The following NSD1 variants were observed in gnomAD, a reference collection of about 807,000 sequenced individuals.
The protein encoded by NSD1 is histone-lysine N-methyltransferase, H3 lysine-36 specific.
In NSD1, 26 loss-of-function variants were observed where a neutral mutation model predicts 242.7. The ratio of observed to expected loss-of-function variants is 0.11; its 90% CI spans 0.08 to 0.15. The LOEUF (loss-of-function observed/expected upper bound fraction) is 0.15, where lower values mean the gene tolerates loss of function less well. Ranked by LOEUF, NSD1 falls within the 10% of genes least tolerant of loss-of-function variation. The pLI is 1.00. For synonymous variants in NSD1, 1,106 were observed against 1,178.1 expected, an observed-to-expected ratio of 0.94 and a Z score of 1.25; for missense variants, 2,495 against 3,272.8, an observed-to-expected ratio of 0.76 and a Z score of 5.80.
intron 2 of NSD1, among the ~76,000 whole-genome samples, chr5:177,168,661 A>G (rs1759439974): frequency 6.6e-6 from 1 of 151,966 alleles, no homozygotes; most frequent in Admixed American, 6.6e-5. Flanking sequence ...GAGCTTCACC[A>G]TGTTGGTCAG....
intron 22 of NSD1, among the ~76,000 whole-genome samples, chr5:177,292,472 G>A (rs984322726): frequency 6.6e-6 from 1 of 152,166 alleles, no homozygotes; most frequent in Non-Finnish European, 1.5e-5. Context: ...TGAGGATTGG[G>A]GAGGTGATCT....
rs34930823 is a variant in NSD1, at chr5:177,212,487, C to CTT, written c.3796+305_3796+306dup. Reference sequence around the variant, plus strand: ...TCTCTCTCTCTCTTTCTCTCTCTCTCTTTTTTTTTTTTTTCTAATTTTTTT... The same window carrying CTT: ...TCTCTCTCTCTCTTTCTCTCTCTCTCTTTTTTTTTTTTTTTTCTAATTTTTTT... On this transcript the variant is annotated intron_variant, in intron 5 of 22. Transcript: ENST00000439151. Among the ~76,000 whole-genome samples, 3,672 of 126,844 alleles carry CTT rather than the reference C, an allele frequency of 0.029. 169 individuals carry two copies. The highest frequency in any genetic ancestry group is 0.11 in the African/African-American group (3,380 of 29,398). The allele number at this position is 126,844 out of a possible 152,430, so 83.2% of individuals were successfully genotyped here. A position where few individuals can be genotyped will look rare whatever the true frequency, so the allele number is the denominator to read the frequency against.
At chr5:177,257,749 T>C (rs1756609223) in intron 13 of NSD1, among the ~76,000 whole-genome samples, 1 of 152,104 alleles carries the variant, frequency 6.6e-6, no homozygotes, top group Non-Finnish European at 1.5e-5. Context: ...TTTGAGAAAG[T>C]GTTCTGCTGC....
chr5:177,210,267 A>G lies in NSD1; in HGVS notation c.1868A>G (p.Tyr623Cys), dbSNP rs758083184. Reference sequence around the variant, plus strand: ...TGTGGTTCAAAAGTGAAGCTCTGCTATATTGGAGCAGGTGATGAGGAAAAG... The same window carrying G: ...TGTGGTTCAAAAGTGAAGCTCTGCTGTATTGGAGCAGGTGATGAGGAAAAG... The part of the protein sequence containing the change: ...LVCGSKVKLC[Y>C]IGAGDEEKRS... The change falls in exon 5 of 23, where the codon TAT (tyrosine) becomes TGT (cysteine). Residue 623 changes from tyrosine to cysteine, a missense_variant. By Grantham distance (194) the Tyr-to-Cys change is radical. Coordinates refer to ENST00000439151, the MANE Select transcript of NSD1 (RefSeq NM_022455.5). The G allele has an allele frequency of 4.4e-6, 7 of 1,607,378 alleles. No homozygotes were observed. Among genetic ancestry groups the G allele is most frequent in the Middle Eastern group, 1.7e-4 (1 of 6,008 alleles).
chr5:177,192,968 A>G (rs1761819976), intron 3 of NSD1, among the ~76,000 whole-genome samples: 1 of 152,220 alleles, frequency 6.6e-6, no homozygotes, highest in East Asian at 1.9e-4. Context: ...TTTTTATAAT[A>G]TAAAAGCTGA....
chr5:177,157,382 A>G (rs945686149), intron 2 of NSD1, among the ~76,000 whole-genome samples: 3 of 144,258 alleles, frequency 2.1e-5, no homozygotes, highest in Non-Finnish European at 4.7e-5. Context: ...AAAAAAAAAT[A>G]TATAATTCAC....
rs1766463306 is a variant in NSD1 at position 177,248,343 on chromosome 5, A to C, written c.4641+19A>C. 1 of 1,611,468 alleles carries C rather than the reference A, an allele frequency of 6.2e-7. No individual in the cohort carries two copies. The highest frequency in any genetic ancestry group is 8.5e-7 in the Non-Finnish European group (1 of 1,178,774). The stretch of plus-strand genomic sequence containing the variant: ...CTGTCAGGTAGAGAAATGTTTGCCC[A>C]CTTGTGTTTTCATTGCATGTTCATC... On this transcript the variant is annotated intron_variant, in intron 11 of 22. Transcript: ENST00000439151.
chr5:177,236,346 C>A (rs991925656), intron 6 of NSD1, among the ~76,000 whole-genome samples: 1 of 152,150 alleles, frequency 6.6e-6, no homozygotes, highest in African/African-American at 2.4e-5. Flanking sequence ...TCTACCCCTA[C>A]ATAGTTTAAT....
intron 2 of NSD1, among the ~76,000 whole-genome samples, chr5:177,170,464 C>T (rs1035160129): frequency 1.3e-5 from 2 of 152,008 alleles, no homozygotes; most frequent in African/African-American, 2.4e-5. Context: ...AATTCTCCTG[C>T]CTCAGCCTCC....
Position 177,272,691 on chromosome 5 carries a change from G to A in NSD1, c.5510-981G>A, listed in dbSNP as rs1329430070. ...GATACCTTGACCTTAGGAGTTTAAG[G>A]CCAGACTGGGCAACATGGCAAAACC... On this transcript the variant is annotated intron_variant, in intron 16 of 22. Transcript: ENST00000439151. Among the ~76,000 whole-genome samples, 2 of 152,040 alleles carry A rather than the reference G, an allele frequency of 1.3e-5. 1 individual carries two copies. The highest frequency in any genetic ancestry group is 1.3e-4 in the Admixed American group (2 of 15,252).
chr5:177,202,297 A>G (rs1010407027), intron 3 of NSD1, among the ~76,000 whole-genome samples: 3 of 152,056 alleles, frequency 2.0e-5, no homozygotes, highest in Admixed American at 6.6e-5. Flanking sequence ...TCATTTATAT[A>G]TGACTTATCT....
At chr5:177,143,859 A>G (rs895488656) in intron 2 of NSD1, among the ~76,000 whole-genome samples, 4 of 141,512 alleles carry the variant, frequency 2.8e-5, no homozygotes, top group African/African-American at 1.1e-4. Flanking sequence ...ATCTTGGCTC[A>G]CTGCAACCTC....
rs1282119583 is a variant in NSD1 at position 177,262,087 on chromosome 5, A to G, written c.5146+1919A>G. 5.3e-5 allele frequency among the ~76,000 whole-genome samples: 8 copies of G among 152,330 alleles called. No individual in the cohort carries two copies. In the East Asian group the frequency reaches 1.5e-3, roughly 29 times the overall value. On this transcript the variant is annotated intron_variant, in intron 14 of 22. Transcript: ENST00000439151. ...ACACAGTCATATTATAATAGCATCA[A>G]TTAAATGAAAAGATATGATTAAAGC...
chr5:177,170,932 T>C (rs1759650395), intron 2 of NSD1, among the ~76,000 whole-genome samples: 1 of 151,882 alleles, frequency 6.6e-6, no homozygotes, highest in Non-Finnish European at 1.5e-5. Flanking sequence ...TGTTTATATC[T>C]GGCTTATTAA....
At chr5:177,152,352 TGTA>T (rs1757792788) in intron 2 of NSD1, among the ~76,000 whole-genome samples, 1 of 151,624 alleles carries the variant, frequency 6.6e-6, no homozygotes, top group Non-Finnish European at 1.5e-5. Flanking sequence ...TATGTATGTA[TGTA>T]TGTATGTTTG....
In NSD1 at chr5:177,271,319, AATC is replaced by A. The variant is rs1757926561; in HGVS notation, c.5509+1515_5509+1517del. ...GATTACTAAGTGACTTTGAGGAATG[AATC>A]ATAATAATAATAGTTAGCATTTTTG... is the stretch of plus-strand genomic sequence containing the variant. On this transcript the variant is annotated intron_variant, in intron 16 of 22. Coordinates refer to ENST00000439151, the MANE Select transcript of NSD1 (RefSeq NM_022455.5). 2.0e-5 allele frequency among the ~76,000 whole-genome samples: 3 copies of A among 152,188 alleles called. No homozygotes were observed. The South Asian group carries it at 6.2e-4, about 31-fold the overall frequency.
At chr5:177,266,360 G>A in intron 14 of NSD1, 1 of 693,580 alleles carries the variant, frequency 1.4e-6, no homozygotes. Context: ...GACCTTGCGG[G>A]CCCGGCCTTG....
chr5:177,211,075 T>A lies in NSD1; in HGVS notation c.2676T>A (p.Ser892=), dbSNP rs1258624735. 1 of 1,614,098 alleles carries A rather than the reference T, an allele frequency of 6.2e-7. No homozygotes were observed. Among genetic ancestry groups the A allele is most frequent in the Non-Finnish European group, 8.5e-7 (1 of 1,180,032 alleles). Residue 892 remains serine, a synonymous_variant, in exon 5 of 23, where the codon TCT becomes TCA. Coordinates refer to ENST00000439151, the MANE Select transcript of NSD1 (RefSeq NM_022455.5). ...SKPSKPLLFS[S]ASSQNHIPIE... ...CATCAAAACCATTACTTTTCTCTTCTGCTTCTAGTCAGAATCACATACCTA... is the reference window on the plus strand; with the variant it reads ...CATCAAAACCATTACTTTTCTCTTCAGCTTCTAGTCAGAATCACATACCTA...
rs907985342 is a variant in NSD1 at position 177,295,479 on chromosome 5, A to G, written c.*20A>G. The G allele has an allele frequency of 5.0e-6, 8 of 1,612,706 alleles. No homozygotes were observed. The highest frequency in any genetic ancestry group is 1.3e-5 in the African/African-American group (1 of 74,916). The stretch of plus-strand genomic sequence containing the variant: ...AAGTAGTACCAATCAATGTCACATG[A>G]ACAAACAAGCTGCCCCCAGGGTACC... On this transcript the variant is annotated 3_prime_UTR_variant, in exon 23 of 23. Coordinates refer to ENST00000439151, the MANE Select transcript of NSD1 (RefSeq NM_022455.5). This position sits in a 1 kb window ranked among gnomAD's most constrained non-coding sequence, Gnocchi z 4.3.
Sources: gnomAD v4.1 joint callset for allele counts (sites outside exome capture counted in the v4.1 genomes callset) on GRCh38, gnomAD v4.1.1 for gene constraint, Gnocchi (gnomAD v3.1) non-coding constraint, MANE v1.5 for transcripts, NCBI Gene and HGNC (gene_info 2026-07-23, HGNC 2026-07-21) for gene names.